Variants in HMGA2 observed in about 807,000 individuals in gnomAD.
HMGA2 encodes the protein high mobility group protein HMGI-C.
In HMGA2, 8 loss-of-function variants were observed where a neutral mutation model predicts 19.1. The observed-to-expected ratio is 0.42, with a 90% CI of 0.25 to 0.76. The LOEUF is 0.76. Among genes scored for constraint, HMGA2 ranks in the 30% least tolerant of loss-of-function variants. HMGA2 has a pLI of 0.28. For synonymous variants in HMGA2, 60 were observed against 48.8 expected (o/e 1.23, Z -0.96); for missense variants, 109 against 136.3 (o/e 0.80, Z 1.00).
chr12:65,833,000 A>G (rs1870542397), intron 2 of HMGA2, among the ~76,000 whole-genome samples: 1 of 152,096 alleles, frequency 6.6e-6, no homozygotes, highest in African/African-American at 2.4e-5. Flanking sequence ...GTTTGTATAC[A>G]TGAAGATAAG....
Position 65,824,731 on chromosome 12 carries a change from C to CTCTCTG in HMGA2, c.-535_-534insGTCTCT, listed in dbSNP as rs1555179149. On this transcript the variant is annotated 5_prime_UTR_variant, in exon 1 of 5. Coordinates refer to ENST00000403681, the MANE Select transcript of HMGA2 (RefSeq NM_003483.6). ...CAATCTCTTCTCTCTCTCTCTCTCT[C>CTCTCTG]TCTCTCTCTCTCTCTCTCTCTCTCT... 3.5e-4 allele frequency: 71 copies of CTCTCTG among 202,978 alleles called. No individual in the cohort carries two copies. The highest frequency in any genetic ancestry group is 1.8e-3 in the African/African-American group (62 of 34,180). 12.6% of individuals were successfully genotyped at this position (202,978 alleles called of 1,614,324 possible). A position where few individuals can be genotyped will look rare whatever the true frequency, so the allele number is the denominator to read the frequency against.
At chr12:65,934,561 C>T (rs922927542) in intron 3 of HMGA2, among the ~76,000 whole-genome samples, 3 of 152,104 alleles carry the variant, frequency 2.0e-5, no homozygotes, top group Non-Finnish European at 4.4e-5. Context: ...ATGTTTTCTA[C>T]CAAATCATAC....
rs368330346 is a variant in HMGA2 at position 65,885,193 on chromosome 12, G to A, written c.249+46624G>A. ...GTGACATATAACAGATGAAATTACA[G>A]TCATTGAATTTATTTTCTCTGAATT... On this transcript the variant is annotated intron_variant, in intron 3 of 4. Transcript: ENST00000403681. Among the ~76,000 whole-genome samples, 19 of 152,232 alleles carry A rather than the reference G, an allele frequency of 1.2e-4. 1 individual carries two copies. In the East Asian group the frequency reaches 3.7e-3, roughly 29 times the overall value.
chr12:65,930,465 G>A (rs1401182346), intron 3 of HMGA2, among the ~76,000 whole-genome samples: 8 of 152,172 alleles, frequency 5.3e-5, no homozygotes, highest in East Asian at 1.9e-4. Flanking sequence ...GAGAGTTTGC[G>A]GGGAGCTTGG....
At chr12:65,876,446 T>C (rs1873032628) in intron 3 of HMGA2, among the ~76,000 whole-genome samples, 1 of 152,224 alleles carries the variant, frequency 6.6e-6, no homozygotes, top group Non-Finnish European at 1.5e-5. Flanking sequence ...GCCAATAAGT[T>C]ACTTTGCATA....
At chr12:65,849,080 T>G (rs929338873) in intron 3 of HMGA2, among the ~76,000 whole-genome samples, 1 of 152,210 alleles carries the variant, frequency 6.6e-6, no homozygotes, top group African/African-American at 2.4e-5. Context: ...TGCGGTCCCT[T>G]ATTATTTCCT....
Position 65,825,119 on chromosome 12 carries a change from C to A in HMGA2, c.-152C>A. 2 of 576,426 alleles carry A rather than the reference C, an allele frequency of 3.5e-6. No homozygotes were observed. Among genetic ancestry groups the A allele is most frequent in the Non-Finnish European group, 2.9e-6 (1 of 343,536 alleles). The allele number at this position is 576,426 out of a possible 1,614,324, so 35.7% of individuals were successfully genotyped here. A position where few individuals can be genotyped will look rare whatever the true frequency, so the allele number is the denominator to read the frequency against. Reference sequence around the variant, plus strand: ...GTGTTGATGGTGGCAGCGGCGGCAGCCTAAGCAACAGCAGCCCTCGCAGCC... The same window carrying A: ...GTGTTGATGGTGGCAGCGGCGGCAGACTAAGCAACAGCAGCCCTCGCAGCC... On this transcript the variant is annotated 5_prime_UTR_variant, in exon 1 of 5. Coordinates refer to ENST00000403681, the MANE Select transcript of HMGA2 (RefSeq NM_003483.6). The surrounding 1 kb of genome is among the most constrained non-coding windows in gnomAD (Gnocchi z 4.4).
intron 3 of HMGA2, among the ~76,000 whole-genome samples, chr12:65,846,061 T>C (rs1445806871): frequency 6.6e-6 from 1 of 152,156 alleles, no homozygotes; most frequent in Non-Finnish European, 1.5e-5. Flanking sequence ...AGGCTGAGAG[T>C]AACAGCCAAC....
chr12:65,870,951 G>A (rs1327347350), intron 3 of HMGA2, among the ~76,000 whole-genome samples: 2 of 152,120 alleles, frequency 1.3e-5, no homozygotes, highest in Non-Finnish European at 2.9e-5. Context: ...CACAGGGGCC[G>A]TGCATACATG....
intron 3 of HMGA2, chr12:65,851,448 G>A (rs1357185593): frequency 4.9e-6 from 1 of 204,852 alleles, no homozygotes; most frequent in African/African-American, 2.4e-5. Flanking sequence ...CTGGGAGGCA[G>A]AGGTTGCAGT....
chr12:65,841,404 G>A (rs1282449387), intron 3 of HMGA2, among the ~76,000 whole-genome samples: 5 of 152,190 alleles, frequency 3.3e-5, no homozygotes, highest in African/African-American at 1.2e-4. Flanking sequence ...GTTCTACTGA[G>A]AAGAGGAAAT....
chr12:65,904,196 T>G (rs1874489456), intron 3 of HMGA2, among the ~76,000 whole-genome samples: 1 of 152,112 alleles, frequency 6.6e-6, no homozygotes, highest in Non-Finnish European at 1.5e-5. Context: ...ACTCATGGGT[T>G]GAGAGGCTGG....
In HMGA2 at chr12:65,841,171, G is replaced by T. The variant is rs115760339; in HGVS notation, c.249+2602G>T. Among the ~76,000 whole-genome samples the T allele has an allele frequency of 2.1e-3, 316 of 152,020 alleles. 2 individuals are homozygous for T. Among genetic ancestry groups the T allele is most frequent in the African/African-American group, 7.2e-3 (298 of 41,484 alleles). On this transcript the variant is annotated intron_variant, in intron 3 of 4. Coordinates refer to ENST00000403681, the MANE Select transcript of HMGA2 (RefSeq NM_003483.6). ...GGATATATATGTTTTTTTTCTTAAC[G>T]GATTCTTGCTAATTTAGGGGGGATC...
intron 2 of HMGA2, among the ~76,000 whole-genome samples, chr12:65,831,696 CCTT>C (rs1200600177): frequency 6.6e-6 from 1 of 151,852 alleles, no homozygotes; most frequent in Non-Finnish European, 1.5e-5. Flanking sequence ...ACTTCATGCT[CCTT>C]CTAATCATTT....
intron 3 of HMGA2, chr12:65,915,462 T>G (rs578240228): frequency 8.1e-7 from 1 of 1,237,944 alleles, no homozygotes; most frequent in Non-Finnish European, 1.0e-6. Context: ...GGGATCCACC[T>G]TTTTGCAGAA....
intron 3 of HMGA2, among the ~76,000 whole-genome samples, chr12:65,899,651 T>C (rs914807551): frequency 6.6e-6 from 1 of 152,252 alleles, no homozygotes; most frequent in Non-Finnish European, 1.5e-5. Context: ...TAGACTGTGC[T>C]CTGCATTCTA....
At chr12:65,828,303 G>T in intron 2 of HMGA2, 7 of 292,856 alleles carry the variant, frequency 2.4e-5, no homozygotes, top group Middle Eastern at 9.7e-4. Context: ...TAACAGTGTT[G>T]TTTTTAAACA....
chr12:65,882,119 A>T (rs1244102713), intron 3 of HMGA2: 1 of 469,980 alleles, frequency 2.1e-6, no homozygotes, highest in Non-Finnish European at 3.9e-6. Flanking sequence ...TGACAAAAGC[A>T]ACCTTAGTCA....
chr12:65,925,173 A>G (rs962122333), intron 3 of HMGA2, among the ~76,000 whole-genome samples: 10 of 152,228 alleles, frequency 6.6e-5, no homozygotes, highest in African/African-American at 2.4e-4. Context: ...GCTCAAAAGT[A>G]TCTTTTCTAC....
Sources: allele counts gnomAD v4.1 joint callset (sites outside exome capture counted in the v4.1 genomes callset), GRCh38; gene constraint gnomAD v4.1.1; non-coding constraint Gnocchi (gnomAD v3.1); transcripts MANE v1.5; gene names NCBI Gene and HGNC (gene_info 2026-07-23, HGNC 2026-07-21).